The following ZNF253 variants were observed in gnomAD, a reference collection of about 807,000 sequenced individuals.
ZNF253 encodes DNA-binding protein.
In ZNF253, 8 loss-of-function variants were observed where a neutral mutation model predicts 11.9. The observed-to-expected ratio is 0.67, with a 90% CI of 0.40 to 1.22. The LOEUF (loss-of-function observed/expected upper bound fraction) is 1.22, where lower values mean the gene tolerates loss of function less well. Ranked by LOEUF, ZNF253 falls within the 50% of genes most tolerant of loss-of-function variation. ZNF253 has a pLI of 0.01. For synonymous variants in ZNF253, 194 were observed against 194.9 expected (o/e 1.00, Z 0.04); for missense variants, 485 against 586.9 (o/e 0.83, Z 1.79).
chr19:19,882,705 G>C (rs1207691690), intron 3 of ZNF253, among the ~76,000 whole-genome samples: 1 of 152,190 alleles, frequency 6.6e-6, no homozygotes, highest in Admixed American at 6.5e-5. Context: ...GGATGCGGTG[G>C]CTCACGCCTG....
intron 1 of ZNF253, among the ~76,000 whole-genome samples, chr19:19,867,527 CA>C (rs1269222847): frequency 6.6e-6 from 1 of 152,114 alleles, no homozygotes; most frequent in African/African-American, 2.4e-5. Context: ...CACGCCTGGC[CA>C]ATTTTTCTCT....
intron 3 of ZNF253, among the ~76,000 whole-genome samples, chr19:19,880,638 G>C (rs1359799834): frequency 1.3e-5 from 2 of 151,838 alleles, no homozygotes; most frequent in Admixed American, 6.6e-5. Flanking sequence ...CTAGGAGGTG[G>C]AGGTTGCAGT....
At chr19:19,875,059 C>G (rs1304556702) in intron 1 of ZNF253, among the ~76,000 whole-genome samples, 10 of 152,192 alleles carry the variant, frequency 6.6e-5, no homozygotes, top group Admixed American at 5.9e-4. Context: ...TTAAGATTCA[C>G]CCTTTTTGGA....
At chr19:19,868,807 A>G (rs2063121456) in intron 1 of ZNF253, among the ~76,000 whole-genome samples, 2 of 152,122 alleles carry the variant, frequency 1.3e-5, no homozygotes, top group Non-Finnish European at 2.9e-5. Context: ...CGTTATGCAC[A>G]TGTACCCCAG....
Position 19,878,509 on chromosome 19 carries a change from T to A in ZNF253, c.32T>A (p.Ile11Lys). Residue 11 changes from isoleucine (I) to lysine (K), a missense_variant, in exon 2 of 4, where the codon ATA becomes AAA. Coordinates refer to ENST00000589717, the MANE Select transcript of ZNF253 (RefSeq NM_021047.3). ...CCATTGCAATTTAGAGATGTGGCCATAGAATTCTCTCTGGAGGAGTGGCAT... is the reference window on the plus strand; with the variant it reads ...CCATTGCAATTTAGAGATGTGGCCAAAGAATTCTCTCTGGAGGAGTGGCAT... MGPLQFRDVA[I>K]EFSLEEWHCL... 1.9e-6 allele frequency: 3 copies of A among 1,614,030 alleles called. No homozygotes were observed. The highest frequency in any genetic ancestry group is 2.5e-6 in the Non-Finnish European group (3 of 1,179,974).
intron 1 of ZNF253, among the ~76,000 whole-genome samples, chr19:19,867,033 C>T (rs1409451661): frequency 6.6e-6 from 1 of 152,024 alleles, no homozygotes; most frequent in African/African-American, 2.4e-5. Context: ...TCACAGTTTC[C>T]CTTTTCTCCT....
intron 1 of ZNF253, among the ~76,000 whole-genome samples, chr19:19,874,252 G>A (rs992906734): frequency 1.3e-5 from 2 of 152,084 alleles, no homozygotes; most frequent in African/African-American, 4.8e-5. Context: ...AAGGCCTGGT[G>A]CAGTGCCTCA....
At chr19:19,880,273 GTTTT>G (rs765915336) in intron 3 of ZNF253, 127 bp downstream of exon 3, 556 of 203,226 alleles carry the variant, frequency 2.7e-3, no homozygotes, top group East Asian at 5.1e-3. Flanking sequence ...CTGGGCAGCT[GTTTT>G]TTTTTTTTTT....
At chr19:19,877,379 T>TA (rs1491361276) in intron 1 of ZNF253, among the ~76,000 whole-genome samples, 11 of 134,046 alleles carry the variant, frequency 8.2e-5, no homozygotes, top group African/African-American at 2.4e-4. Context: ...TTCTTCTTCT[T>TA]CTTTTTTTTT....
Position 19,889,537 on chromosome 19 carries a change from G to C in ZNF253, c.227-1937G>C, listed in dbSNP as rs116121133. Among the ~76,000 whole-genome samples the C allele has an allele frequency of 7.6e-3, 1,161 of 152,176 alleles. 14 individuals are homozygous for C. Among genetic ancestry groups the C allele is most frequent in the African/African-American group, 0.026 (1,099 of 41,506 alleles). On this transcript the variant is annotated intron_variant, in intron 3 of 3. Coordinates refer to ENST00000589717, the MANE Select transcript of ZNF253 (RefSeq NM_021047.3). The stretch of plus-strand genomic sequence containing the variant: ...ATTTTTGTATTTTTAGTAGAGATAG[G>C]CTTTCACTCTGTTGGCCAGGCTGAT...
intron 1 of ZNF253, 50 bp downstream of exon 1, chr19:19,866,049 G>T: frequency 1.2e-6 from 2 of 1,613,254 alleles, no homozygotes; most frequent in Middle Eastern, 1.7e-4. Context: ...TGTTTGGAAC[G>T]GTGGGAAGTG....
chr19:19,874,495 G>A (rs1363448524), intron 1 of ZNF253, among the ~76,000 whole-genome samples: 2 of 152,120 alleles, frequency 1.3e-5, no homozygotes, highest in Non-Finnish European at 2.9e-5. Flanking sequence ...GTGCGCTCCA[G>A]CCTGGGCGAC....
At chr19:19,873,598 C>T (rs1356743320) in intron 1 of ZNF253, among the ~76,000 whole-genome samples, 1 of 151,904 alleles carries the variant, frequency 6.6e-6, no homozygotes, top group Non-Finnish European at 1.5e-5. Flanking sequence ...TGGTTGGTAC[C>T]AAGATGAGAG....
chr19:19,890,533 T>TGTGC (rs1033282091), intron 3 of ZNF253, among the ~76,000 whole-genome samples: 1 of 151,644 alleles, frequency 6.6e-6, no homozygotes, highest in Non-Finnish European at 1.5e-5. Flanking sequence ...TGTGTGTGTG[T>TGTGC]GTGTGTGTGA....
chr19:19,869,842 T>C (rs1365573390), intron 1 of ZNF253, among the ~76,000 whole-genome samples: 2 of 151,630 alleles, frequency 1.3e-5, no homozygotes, highest in Non-Finnish European at 2.9e-5. Context: ...GCTACTTTTT[T>C]GTATTTTTAG....
At chr19:19,889,959 T>G (rs1308473423) in intron 3 of ZNF253, among the ~76,000 whole-genome samples, 10 of 152,364 alleles carry the variant, frequency 6.6e-5, no homozygotes, top group Middle Eastern at 3.4e-3. Context: ...TATTCTGAAT[T>G]TTAAAAATTA....
chr19:19,885,593 A>T (rs992214937), intron 3 of ZNF253, among the ~76,000 whole-genome samples: 1 of 151,578 alleles, frequency 6.6e-6, no homozygotes, highest in African/African-American at 2.4e-5. Flanking sequence ...GGGTTTCACC[A>T]TGTTAGCCAG....
chr19:19,881,692 T>C (rs546783716), intron 3 of ZNF253, among the ~76,000 whole-genome samples: 3 of 151,896 alleles, frequency 2.0e-5, no homozygotes, highest in Non-Finnish European at 2.9e-5. Flanking sequence ...CATATACTTA[T>C]GTATGTTAAT....
chr19:19,880,090 A>G lies in ZNF253; in HGVS notation c.170A>G (p.Glu57Gly), dbSNP rs749535025. 13 of 1,609,210 alleles carry G rather than the reference A, an allele frequency of 8.1e-6. No homozygotes were observed. The highest frequency in any genetic ancestry group is 1.1e-5 in the Non-Finnish European group (13 of 1,178,066). Residue 57 changes from glutamate to glycine, a missense_variant, in exon 3 of 4, where the codon GAG becomes GGG. Transcript: ENST00000589717. ...AAGCCAGACCTGGTTACCTGTCTGG[A>G]GCAAGGAAAAAAACCTTTAACTATG... Reference protein sequence around the residue: ...VSKPDLVTCLEQGKKPLTMER... With the variant: ...VSKPDLVTCLGQGKKPLTMER...
Sources: gnomAD v4.1 joint callset for allele counts (sites outside exome capture counted in the v4.1 genomes callset) on GRCh38, gnomAD v4.1.1 for gene constraint, MANE v1.5 for transcripts, NCBI Gene and HGNC (gene_info 2026-07-23, HGNC 2026-07-21) for gene names.